YJU2: variants seen among roughly 807,000 people sequenced by gnomAD.
YJU2 encodes the protein splicing factor YJU2.
YJU2 carries 28 observed loss-of-function variants against 39.6 expected under a neutral mutation model. The observed-to-expected ratio is 0.71, with a 90% CI of 0.52 to 0.97. The LOEUF (loss-of-function observed/expected upper bound fraction) is 0.97. Ranked by LOEUF, YJU2 falls within the 50% of genes least tolerant of loss-of-function variation. The pLI, the probability that YJU2 is intolerant of heterozygous loss-of-function variation, is 0.00. For synonymous variants in YJU2, 184 were observed against 182.4 expected (o/e 1.01, Z -0.07); for missense variants, 328 against 430.4 (o/e 0.76, Z 2.11).
chr19:4,250,471 G>A (rs956044225), intron 2 of YJU2, among the ~76,000 whole-genome samples: 6 of 152,110 alleles, frequency 3.9e-5, no homozygotes, highest in East Asian at 1.9e-4. Context: ...GGGCAGTGGC[G>A]CAGGAGGGAG....
At chr19:4,247,209 G>A (rs773510562) in intron 1 of YJU2, 39 bp downstream of exon 1, 4 of 1,586,582 alleles carry the variant, frequency 2.5e-6, no homozygotes, top group Admixed American at 1.7e-5. Flanking sequence ...ATCGGAGCAG[G>A]ACATCCCGGA....
At chr19:4,263,441 G>A (rs1027448250) in intron 6 of YJU2, among the ~76,000 whole-genome samples, 1 of 152,144 alleles carries the variant, frequency 6.6e-6, no homozygotes, top group Admixed American at 6.6e-5. Flanking sequence ...ATAGTCACAA[G>A]GCCCCATCTG....
Position 4,250,444 on chromosome 19 carries a change from G to T in YJU2, c.126-583G>T, listed in dbSNP as rs976048924. Among the ~76,000 whole-genome samples the T allele has an allele frequency of 9.2e-5, 14 of 152,260 alleles. 1 individual carries two copies. Among genetic ancestry groups the T allele is most frequent in the Admixed American group, 8.5e-4 (13 of 15,278 alleles). On this transcript the variant is annotated intron_variant, in intron 2 of 7. Transcript: ENST00000262962. Reference sequence around the variant, plus strand: ...CAGGTGCACGGGCCCCCGAAGTCAGGCAGGAGAGAGCCCCTGGGGCAGTGG... The same window carrying T: ...CAGGTGCACGGGCCCCCGAAGTCAGTCAGGAGAGAGCCCCTGGGGCAGTGG...
intron 6 of YJU2, among the ~76,000 whole-genome samples, chr19:4,263,028 C>G (rs1362105400): frequency 6.9e-6 from 1 of 145,498 alleles, no homozygotes; most frequent in African/African-American, 2.6e-5. Flanking sequence ...GAGCCGAGAT[C>G]GTGCCACTGC....
At chr19:4,247,621 GT>G (rs1568359590) in intron 1 of YJU2, among the ~76,000 whole-genome samples, 8,026 of 55,272 alleles carry the variant, frequency 0.15, 1,995 homozygotes, top group South Asian at 0.18. Flanking sequence ...GTGTGTGTGT[GT>G]GTGTGTGTGT....
At chr19:4,268,100 C>T (rs1352843319) in intron 7 of YJU2, among the ~76,000 whole-genome samples, 2 of 151,924 alleles carry the variant, frequency 1.3e-5, no homozygotes, top group Non-Finnish European at 1.5e-5. Context: ...TACAGCACCA[C>T]GCCCGGCTAA....
Position 4,258,316 on chromosome 19 carries a change from G to C in YJU2, c.480G>C (p.Leu160=), listed in dbSNP as rs201053207. 7.6e-5 allele frequency: 120 copies of C among 1,576,014 alleles called. 1 individual carries two copies. The East Asian group carries it at 2.6e-3, about 35-fold the overall frequency. The stretch of plus-strand genomic sequence containing the variant: ...AGAACCTCCAGGAGCTGAAAGACCT[G>C]AACCAGCGGCAGGCGCACGTGGACT... ...VLENLQELKD[L]NQRQAHVDFE... The change falls in exon 5 of 8, where the codon CTG becomes CTC. Residue 160 remains leucine, a synonymous_variant. Coordinates refer to ENST00000262962, the MANE Select transcript of YJU2 (RefSeq NM_018074.6).
chr19:4,259,294 T>G (rs1424893577), intron 5 of YJU2, among the ~76,000 whole-genome samples: 1 of 151,968 alleles, frequency 6.6e-6, no homozygotes, highest in Admixed American at 6.6e-5. Context: ...TTAGCCAGGA[T>G]GGTCTCGATC....
At position 4,267,687 on chromosome 19, in the gene YJU2, C is replaced by T. The variant is rs577226618; in HGVS notation, c.772C>T (p.Pro258Ser). 13 of 1,613,454 alleles carry T rather than the reference C, an allele frequency of 8.1e-6. No individual in the cohort carries two copies. Among genetic ancestry groups the T allele is most frequent in the Middle Eastern group, 1.7e-4 (1 of 5,992 alleles). ...GAGCGTTGGCAGCCTGGGCAGCCGG[C>T]CCCCGCTGTCGAGGCTGGTCGTGGT... is the stretch of plus-strand genomic sequence containing the variant. The part of the protein sequence containing the change: ...EQSVGSLGSR[P>S]PLSRLVVVKK... The change falls in exon 7 of 8, where the codon CCC becomes TCC. Residue 258 changes from proline to serine, a missense_variant. Pro to Ser is a moderately conservative substitution (Grantham distance 74). Around this residue, in one of 2 missense-constraint regions of YJU2, gnomAD observed 244 missense variants for 264.6 expected, o/e 0.92. Transcript: ENST00000262962.
At chr19:4,254,662 G>A (rs1489698956) in intron 4 of YJU2, among the ~76,000 whole-genome samples, 173 bp downstream of exon 4, 1 of 152,174 alleles carries the variant, frequency 6.6e-6, no homozygotes, top group East Asian at 1.9e-4. Flanking sequence ...GCTCATGCCT[G>A]TAATCTCAGC....
intron 6 of YJU2, among the ~76,000 whole-genome samples, chr19:4,264,580 G>A (rs532927898): frequency 5.6e-4 from 85 of 151,678 alleles, no homozygotes; most frequent in Admixed American, 4.9e-3. Context: ...TTCGCCCCCC[G>A]GGTTCAAGCG....
chr19:4,269,061 C>T lies in YJU2; in HGVS notation c.*365C>T, dbSNP rs1162235138. On this transcript the variant is annotated 3_prime_UTR_variant, in exon 8 of 8. Coordinates refer to ENST00000262962, the MANE Select transcript of YJU2 (RefSeq NM_018074.6). ...CTCATCTCTTCCTTCCACAAACTGTCTAGAACCAATAAAAGGAAACCTGCC... is the reference window on the plus strand; with the variant it reads ...CTCATCTCTTCCTTCCACAAACTGTTTAGAACCAATAAAAGGAAACCTGCC... The T allele has an allele frequency of 4.6e-6, 1 of 218,660 alleles. No homozygotes were observed. Among genetic ancestry groups the T allele is most frequent in the African/African-American group, 2.3e-5 (1 of 43,476 alleles). The allele number at this position is 218,660 out of a possible 1,614,324, so 13.5% of individuals were successfully genotyped here. A position where few individuals can be genotyped will look rare whatever the true frequency, so the allele number is the denominator to read the frequency against.
intron 7 of YJU2, 74 bp from the exon 8 acceptor site, chr19:4,268,498 AACCTGCAGAGGT>A (rs1971135086): frequency 1.1e-6 from 1 of 916,062 alleles, no homozygotes; most frequent in African/African-American, 1.6e-5. Context: ...GGACCTTGCA[AACCTGCAGAGGT>A]GGCCGGCCCC....
intron 7 of YJU2, 32 bp downstream of exon 7, chr19:4,267,806 G>A (rs749214247): frequency 6.3e-6 from 10 of 1,587,350 alleles, no homozygotes; most frequent in South Asian, 2.3e-5. Context: ...AGCCGGGCGC[G>A]GTTTCTATAG....
At position 4,249,974 on chromosome 19, in the gene YJU2, TG is replaced by T. The variant is rs1161763582; in HGVS notation, c.125+649del. Among the ~76,000 whole-genome samples, 3 of 152,270 alleles carry T rather than the reference TG, an allele frequency of 2.0e-5. No individual in the cohort carries two copies. In the East Asian group the frequency reaches 5.8e-4, roughly 29 times the overall value. On this transcript the variant is annotated intron_variant, in intron 2 of 7. Coordinates refer to ENST00000262962, the MANE Select transcript of YJU2 (RefSeq NM_018074.6). ...TGCCCTCCTTGGCCTCCCAAAGTGC[TG>T]GGATTGCAGGCGTGAGCTGCCGCAC...
At chr19:4,268,277 T>G (rs1327985831) in intron 7 of YJU2, among the ~76,000 whole-genome samples, 1 of 152,198 alleles carries the variant, frequency 6.6e-6, no homozygotes, top group Non-Finnish European at 1.5e-5. Context: ...TAGTATGATG[T>G]TTCCTAAGGC....
At chr19:4,253,198 TACACACAC>T (rs58339658) in intron 3 of YJU2, among the ~76,000 whole-genome samples, 28 of 139,072 alleles carry the variant, frequency 2.0e-4, no homozygotes, top group African/African-American at 5.2e-4. Context: ...TGTCCGTGTC[TACACACAC>T]ACACACACAC....
At chr19:4,255,674 G>A (rs1971013561) in intron 4 of YJU2, among the ~76,000 whole-genome samples, 2 of 149,840 alleles carry the variant, frequency 1.3e-5, no homozygotes. Flanking sequence ...GCTGCAGTGA[G>A]CTGAGATCAT....
chr19:4,256,087 T>A (rs1971017024), intron 4 of YJU2, among the ~76,000 whole-genome samples: 1 of 149,782 alleles, frequency 6.7e-6, no homozygotes, highest in African/African-American at 2.5e-5. Flanking sequence ...GGCGGGAGGA[T>A]CACTTGAGCC....
Sources: allele counts gnomAD v4.1 joint callset (sites outside exome capture counted in the v4.1 genomes callset), GRCh38; gene constraint gnomAD v4.1.1; regional missense constraint gnomAD v4.1.1; transcripts MANE v1.5; gene names NCBI Gene and HGNC (gene_info 2026-07-23, HGNC 2026-07-21).